FAM163A: variants seen among roughly 807,000 people sequenced by gnomAD.
FAM163A encodes the protein protein FAM163A.
FAM163A carries 7 observed loss-of-function variants against 12.0 expected under a neutral mutation model. The observed-to-expected ratio is 0.58, with a 90% CI of 0.33 to 1.10. FAM163A has a LOEUF of 1.10. Ranked by LOEUF, FAM163A falls within the 50% of genes least tolerant of loss-of-function variation. FAM163A has a pLI of 0.03. For synonymous variants in FAM163A, 101 were observed against 91.0 expected (o/e 1.11, Z -0.62); for missense variants, 202 against 218.6 (o/e 0.92, Z 0.48).
intron 1 of FAM163A, among the ~76,000 whole-genome samples, chr1:179,761,513 G>A (rs927087963): frequency 5.9e-5 from 9 of 152,182 alleles, no homozygotes; most frequent in East Asian, 1.9e-4. Context: ...TTGTTACTAC[G>A]ACAGCCGGTA....
chr1:179,756,445 C>T (rs2148017008), intron 1 of FAM163A, among the ~76,000 whole-genome samples: 1 of 152,150 alleles, frequency 6.6e-6, no homozygotes, highest in East Asian at 1.9e-4. Flanking sequence ...TCACAAGTTA[C>T]GGGGCTTGAG....
chr1:179,745,166 T>G (rs902875442), intron 1 of FAM163A, among the ~76,000 whole-genome samples: 1 of 151,996 alleles, frequency 6.6e-6, no homozygotes, highest in African/African-American at 2.4e-5. Context: ...GGGGAAGTAA[T>G]GTGTGGCTCT....
At chr1:179,801,545 C>T (rs575931306) in intron 1 of FAM163A, among the ~76,000 whole-genome samples, 1 of 152,326 alleles carries the variant, frequency 6.6e-6, no homozygotes, top group African/African-American at 2.4e-5. Flanking sequence ...CACCCTCCCC[C>T]CATTTTCCCA....
At chr1:179,758,759 TC>T (rs1051456781) in intron 1 of FAM163A, among the ~76,000 whole-genome samples, 6 of 152,212 alleles carry the variant, frequency 3.9e-5, no homozygotes, top group Admixed American at 2.6e-4. Flanking sequence ...AATAACTACT[TC>T]CTGGAGTTCC....
intron 1 of FAM163A, among the ~76,000 whole-genome samples, chr1:179,750,663 T>C (rs1685149024): frequency 6.6e-6 from 1 of 152,120 alleles, no homozygotes; most frequent in Non-Finnish European, 1.5e-5. Context: ...ACATTAAGGA[T>C]TTTGAGGTTG....
intron 1 of FAM163A, among the ~76,000 whole-genome samples, chr1:179,792,031 T>C (rs1308367870): frequency 6.6e-6 from 1 of 152,184 alleles, no homozygotes; most frequent in Non-Finnish European, 1.5e-5. Context: ...GAACTTTGAC[T>C]CATGGAGACC....
Position 179,814,319 on chromosome 1 carries a change from G to C in FAM163A, c.*130G>C. ...CTTTGGCTTTTCTCGCTCCGCAGTG[G>C]AGGGTTTACTAGGATTTAAGCTTTT... On this transcript the variant is annotated 3_prime_UTR_variant, in exon 5 of 5. Transcript: ENST00000341785. 2 of 1,243,836 alleles carry C rather than the reference G, an allele frequency of 1.6e-6. No homozygotes were observed. Among genetic ancestry groups the C allele is most frequent in the Non-Finnish European group, 2.2e-6 (2 of 915,930 alleles). The allele number at this position is 1,243,836 out of a possible 1,614,324, so 77.0% of individuals were successfully genotyped here. A position where few individuals can be genotyped will look rare whatever the true frequency, so the allele number is the denominator to read the frequency against.
chr1:179,763,514 G>C (rs1687089286), intron 1 of FAM163A, among the ~76,000 whole-genome samples: 1 of 152,176 alleles, frequency 6.6e-6, no homozygotes, highest in South Asian at 2.1e-4. Context: ...ACACCAGACT[G>C]GCTAGTTTCT....
chr1:179,732,105 C>T, the FAM163A span, among the ~76,000 whole-genome samples: 1 of 152,152 alleles, frequency 6.6e-6, no homozygotes, highest in Non-Finnish European at 1.5e-5. Context: ...AAAAACAGAC[C>T]AAAGGCCAAC....
At chr1:179,773,622 C>T (rs943656889) in intron 1 of FAM163A, among the ~76,000 whole-genome samples, 10 of 152,194 alleles carry the variant, frequency 6.6e-5, no homozygotes, top group African/African-American at 2.4e-4. Flanking sequence ...AAACCTAACC[C>T]ATTCCCCGCT....
At chr1:179,771,595 CT>C (rs960645743) in intron 1 of FAM163A, among the ~76,000 whole-genome samples, 1 of 152,090 alleles carries the variant, frequency 6.6e-6, no homozygotes, top group Non-Finnish European at 1.5e-5. Context: ...CCGTCTACAC[CT>C]GTGCTTGGAT....
chr1:179,744,174 CG>C (rs1163750604), intron 1 of FAM163A, among the ~76,000 whole-genome samples: 2 of 152,270 alleles, frequency 1.3e-5, no homozygotes, highest in Middle Eastern at 3.4e-3. Context: ...GCCAGGACAG[CG>C]GGGGTAGGAC....
intron 1 of FAM163A, among the ~76,000 whole-genome samples, chr1:179,777,124 T>A (rs932140273): frequency 1.3e-5 from 2 of 152,220 alleles, no homozygotes; most frequent in Non-Finnish European, 2.9e-5. Flanking sequence ...CCTCCATCCA[T>A]GAACACTGTT....
the FAM163A span, chr1:179,730,396 T>C: frequency 6.6e-6 from 1 of 152,378 alleles, no homozygotes; most frequent in African/African-American, 2.4e-5. Context: ...AGCCTTCACA[T>C]CTGGCCTCTT....
intron 1 of FAM163A, among the ~76,000 whole-genome samples, chr1:179,744,660 G>C (rs1221862792): frequency 6.6e-6 from 1 of 152,158 alleles, no homozygotes; most frequent in Non-Finnish European, 1.5e-5. Context: ...TGACGTGACG[G>C]GGACGCAGTC....
At chr1:179,809,556 T>A (rs1034196834) in intron 2 of FAM163A, among the ~76,000 whole-genome samples, 1 of 152,192 alleles carries the variant, frequency 6.6e-6, no homozygotes, top group African/African-American at 2.4e-5. Flanking sequence ...ATGCCCCCGA[T>A]GTCCAGGCCA....
At chr1:179,756,722 T>TGTGTGGAAGCTCATGGTGGGGGAA (rs1686073218) in intron 1 of FAM163A, among the ~76,000 whole-genome samples, 1 of 151,860 alleles carries the variant, frequency 6.6e-6, no homozygotes, top group African/African-American at 2.4e-5. Flanking sequence ...GGGACAGAAA[T>TGTGTGGAAGCTCATGGTGGGGGAA]GTGTGGAAGC....
intron 1 of FAM163A, among the ~76,000 whole-genome samples, chr1:179,787,833 C>T (rs1690869416): frequency 6.6e-6 from 1 of 152,110 alleles, no homozygotes; most frequent in Non-Finnish European, 1.5e-5. Context: ...ATTGGCAGTG[C>T]CCAAATCCAG....
At chr1:179,811,113 G>A (rs1694644355) in intron 2 of FAM163A, among the ~76,000 whole-genome samples, 1 of 152,096 alleles carries the variant, frequency 6.6e-6, no homozygotes, top group South Asian at 2.1e-4. Context: ...GAGGTGAGGA[G>A]GGAAAGATAA....
Sources: allele counts gnomAD v4.1 joint callset (sites outside exome capture counted in the v4.1 genomes callset), GRCh38; gene constraint gnomAD v4.1.1; transcripts MANE v1.5; gene names NCBI Gene and HGNC (gene_info 2026-07-23, HGNC 2026-07-21).